PCDHGB7: variants seen among roughly 807,000 people sequenced by gnomAD.
The protein encoded by PCDHGB7 is protocadherin gamma subfamily B, 7, also known as protocadherin gamma-B7.
In PCDHGB7, 37 loss-of-function variants were observed where a neutral mutation model predicts 61.4. That is an observed-to-expected ratio of 0.60 (90% CI 0.46 to 0.79). The LOEUF (loss-of-function observed/expected upper bound fraction) is 0.79. PCDHGB7 is among the 30% of genes least tolerant of loss of function. PCDHGB7 has a pLI of 0.00. For synonymous variants in PCDHGB7, 464 were observed against 503.5 expected, an observed-to-expected ratio of 0.92 and a Z score of 1.05; for missense variants, 1,166 against 1,202.5, an observed-to-expected ratio of 0.97 and a Z score of 0.45.
chr5:141,489,080 C>CCCA lies in PCDHGB7; in HGVS notation c.2416-5727_2416-5726insCCA. On this transcript the variant is annotated intron_variant, in intron 1 of 3. Coordinates refer to ENST00000398594, the MANE Select transcript of PCDHGB7 (RefSeq NM_018927.4). This position sits in a 1 kb window ranked among gnomAD's most constrained non-coding sequence, Gnocchi z 4.5. ...TCCCCTCCCCCCTGCCCACCCCCGC[C>CCCA]ACTCGGTGACTAAGAACTGCTGCAA... 3.0e-6 allele frequency: 1 copy of CCCA among 336,172 alleles called. No individual in the cohort carries two copies. The highest frequency in any genetic ancestry group is 5.5e-5 in the East Asian group (1 of 18,342). 20.8% of individuals were successfully genotyped at this position (336,172 alleles called of 1,614,324 possible).
rs1334650353 is a variant in PCDHGB7, at chr5:141,493,099, A to T, written c.2416-1708A>T. Among the ~76,000 whole-genome samples, 1 of 152,192 alleles carries T rather than the reference A, an allele frequency of 6.6e-6. No homozygotes were observed. Among genetic ancestry groups the T allele is most frequent in the East Asian group, 1.9e-4 (1 of 5,198 alleles). On this transcript the variant is annotated intron_variant, in intron 1 of 3. Coordinates refer to ENST00000398594, the MANE Select transcript of PCDHGB7 (RefSeq NM_018927.4). This position sits in a 1 kb window ranked among gnomAD's most constrained non-coding sequence, Gnocchi z 4.3. ...CTCCAGGAGCTTTTATTCAAAATAT[A>T]TCAATGCCTAACTCTGCTCCTAGGA... is the stretch of plus-strand genomic sequence containing the variant.
chr5:141,419,884 C>A lies in PCDHGB7; in HGVS notation c.2025C>A (p.Phe675Leu). 1 of 1,614,088 alleles carries A rather than the reference C, an allele frequency of 6.2e-7. No individual in the cohort carries two copies. The highest frequency in any genetic ancestry group is 8.5e-7 in the Non-Finnish European group (1 of 1,179,896). The change falls in exon 1 of 4, where the codon TTC (phenylalanine) becomes TTA (leucine). Residue 675 changes from phenylalanine (F) to leucine (L), a missense_variant. Transcript: ENST00000398594. ...GCTTGCAAGAGGTACTGCCGGATTT[C>A]AGCGACCATCCCACACCCTCTGACT... is the stretch of plus-strand genomic sequence containing the variant. The part of the protein sequence containing the change: ...ADSLQEVLPD[F>L]SDHPTPSDSQ...
intron 1 of PCDHGB7, chr5:141,478,595 T>A: frequency 6.4e-7 from 1 of 1,567,880 alleles, no homozygotes; most frequent in Non-Finnish European, 8.7e-7. Flanking sequence ...TTTTTATTCC[T>A]ACATCATATT....
At chr5:141,496,412 T>C (rs1322376676) in intron 2 of PCDHGB7, among the ~76,000 whole-genome samples, 1 of 152,180 alleles carries the variant, frequency 6.6e-6, no homozygotes, top group African/African-American at 2.4e-5. Context: ...GGTTGAGTAC[T>C]TGCTGTCCAC....
chr5:141,499,731 C>T (rs2099794093), intron 2 of PCDHGB7, among the ~76,000 whole-genome samples: 1 of 138,132 alleles, frequency 7.2e-6, no homozygotes, highest in African/African-American at 2.7e-5. Context: ...GTCTCACTCT[C>T]TTGCCCAGGC....
chr5:141,486,162 T>G lies in PCDHGB7; in HGVS notation c.2416-8645T>G, dbSNP rs763023343. ...GCTCGCGATGGGGGTTCTCCAGCCA[T>G]GGAGCAACATTGCAGCCTTCGAGTG... On this transcript the variant is annotated intron_variant, in intron 1 of 3. Coordinates refer to ENST00000398594, the MANE Select transcript of PCDHGB7 (RefSeq NM_018927.4). The surrounding 1 kb of genome is among the most constrained non-coding windows in gnomAD (Gnocchi z 5.0). The G allele has an allele frequency of 6.2e-7, 1 of 1,614,170 alleles. No individual in the cohort carries two copies. Among genetic ancestry groups the G allele is most frequent in the Non-Finnish European group, 8.5e-7 (1 of 1,180,026 alleles).
chr5:141,464,093 C>T (rs1029458289), intron 1 of PCDHGB7, among the ~76,000 whole-genome samples: 1 of 151,888 alleles, frequency 6.6e-6, no homozygotes, highest in Non-Finnish European at 1.5e-5. Context: ...GGTGAAACTC[C>T]GTCTCTACTA....
At chr5:141,508,662 T>G (rs2099870759) in intron 3 of PCDHGB7, among the ~76,000 whole-genome samples, 1 of 152,122 alleles carries the variant, frequency 6.6e-6, no homozygotes, top group Non-Finnish European at 1.5e-5. Context: ...CCTGTCATTC[T>G]GTCTCTGCCT....
rs1225025591 is a variant in PCDHGB7 at position 141,493,316 on chromosome 5, T to G, written c.2416-1491T>G. Among the ~76,000 whole-genome samples, 2 of 152,198 alleles carry G rather than the reference T, an allele frequency of 1.3e-5. No homozygotes were observed. The highest frequency in any genetic ancestry group is 2.1e-4 in the South Asian group (1 of 4,826). Reference sequence around the variant, plus strand: ...AGTTCACAGAGCAAGTAAGAGAGATTCTAACCCCTGTCTAACTCCAGAATG... The same window carrying G: ...AGTTCACAGAGCAAGTAAGAGAGATGCTAACCCCTGTCTAACTCCAGAATG... On this transcript the variant is annotated intron_variant, in intron 1 of 3. Coordinates refer to ENST00000398594, the MANE Select transcript of PCDHGB7 (RefSeq NM_018927.4). This position sits in a 1 kb window ranked among gnomAD's most constrained non-coding sequence, Gnocchi z 4.3.
rs1554136305 is a variant in PCDHGB7, at chr5:141,450,006, CT to C, written c.2415+29750del. Reference sequence around the variant, plus strand: ...CACATTGCATTTAGTTGCCATGTCTCTTTTTTTTTTTTTTTTTTGAGACAGG... The same window carrying C: ...CACATTGCATTTAGTTGCCATGTCTCTTTTTTTTTTTTTTTTTGAGACAGG... On this transcript the variant is annotated intron_variant, in intron 1 of 3. Coordinates refer to ENST00000398594, the MANE Select transcript of PCDHGB7 (RefSeq NM_018927.4). Among the ~76,000 whole-genome samples, 140 of 132,944 alleles carry C rather than the reference CT, an allele frequency of 1.1e-3. 2 individuals are homozygous for C. In the Middle Eastern group the frequency reaches 0.016, roughly 15 times the overall value. 87.2% of individuals were successfully genotyped at this position (132,944 alleles called of 152,430 possible). A position where few individuals can be genotyped will look rare whatever the true frequency, so the allele number is the denominator to read the frequency against.
At chr5:141,460,780 A>G (rs1387522399) in intron 1 of PCDHGB7, among the ~76,000 whole-genome samples, 3 of 152,042 alleles carry the variant, frequency 2.0e-5, no homozygotes, top group Non-Finnish European at 4.4e-5. Context: ...GTATGTATAC[A>G]TATATACACA....
intron 1 of PCDHGB7, chr5:141,426,194 T>C (rs1482565872): frequency 6.4e-6 from 1 of 155,380 alleles, no homozygotes; most frequent in Non-Finnish European, 1.4e-5. Context: ...ACTGGGAGCA[T>C]TGAGTTTTCT....
At chr5:141,464,008 G>A (rs1484928987) in intron 1 of PCDHGB7, among the ~76,000 whole-genome samples, 6 of 151,674 alleles carry the variant, frequency 4.0e-5, no homozygotes, top group Non-Finnish European at 7.4e-5. Flanking sequence ...GCTCATGCTT[G>A]TAATCCCACA....
intron 1 of PCDHGB7, among the ~76,000 whole-genome samples, chr5:141,435,232 G>A (rs1317217213): frequency 6.6e-6 from 1 of 152,062 alleles, no homozygotes; most frequent in Non-Finnish European, 1.5e-5. Context: ...TCAAAGTTCA[G>A]TAATTCTTTC....
chr5:141,510,814 CT>C, intron 3 of PCDHGB7, 132 bp from the exon 4 acceptor site: 1 of 1,544,688 alleles, frequency 6.5e-7, no homozygotes, highest in Non-Finnish European at 8.8e-7. Context: ...TTGGTGACCC[CT>C]ATATTCCCAG....
chr5:141,478,987 G>T (rs1007857792), intron 1 of PCDHGB7, among the ~76,000 whole-genome samples: 8 of 152,144 alleles, frequency 5.3e-5, no homozygotes, highest in African/African-American at 1.4e-4. Flanking sequence ...TGTGACATTT[G>T]TATTAAAACT....
chr5:141,489,991 A>G lies in PCDHGB7; in HGVS notation c.2416-4816A>G, dbSNP rs1157441385. On this transcript the variant is annotated intron_variant, in intron 1 of 3. Coordinates refer to ENST00000398594, the MANE Select transcript of PCDHGB7 (RefSeq NM_018927.4). The surrounding 1 kb of genome is among the most constrained non-coding windows in gnomAD (Gnocchi z 4.5). Reference sequence around the variant, plus strand: ...CCAATCCTCAGTTCTACGTGTGGGAATCCCAGAGAATGCACCCATTGGTAC... The same window carrying G: ...CCAATCCTCAGTTCTACGTGTGGGAGTCCCAGAGAATGCACCCATTGGTAC... The G allele has an allele frequency of 6.2e-7, 1 of 1,614,228 alleles. No individual in the cohort carries two copies. Among genetic ancestry groups the G allele is most frequent in the South Asian group, 1.1e-5 (1 of 91,090 alleles).
chr5:141,496,943 T>C (rs1023861484), intron 2 of PCDHGB7, among the ~76,000 whole-genome samples: 2 of 151,258 alleles, frequency 1.3e-5, no homozygotes, highest in African/African-American at 2.4e-5. Flanking sequence ...CCCAGCACTT[T>C]GGGAGGCCAA....
chr5:141,488,985 C>G lies in PCDHGB7; in HGVS notation c.2416-5822C>G, dbSNP rs574857958. On this transcript the variant is annotated intron_variant, in intron 1 of 3. Transcript: ENST00000398594. ...ACTTTTTGGCCAATCAGACTCAGAG[C>G]TGAGGTGGGAGATCTGCTCTTCCAG... The G allele has an allele frequency of 7.4e-6, 3 of 405,188 alleles. No homozygotes were observed. In the South Asian group the frequency reaches 2.4e-4, roughly 32 times the overall value. The allele number at this position is 405,188 out of a possible 1,614,324, so 25.1% of individuals were successfully genotyped here.
Sources: gnomAD v4.1 joint callset for allele counts (sites outside exome capture counted in the v4.1 genomes callset) on GRCh38, gnomAD v4.1.1 for gene constraint, Gnocchi (gnomAD v3.1) non-coding constraint, MANE v1.5 for transcripts, NCBI Gene and HGNC (gene_info 2026-07-23, HGNC 2026-07-21) for gene names.